Variants in SYN1 observed in about 807,000 individuals in gnomAD.
The protein encoded by SYN1 is synapsin-1.
Under a neutral mutation model 44.6 loss-of-function variants are expected in SYN1, and 8 were observed. The ratio of observed to expected loss-of-function variants is 0.18; its 90% CI spans 0.11 to 0.32. The LOEUF is 0.32. SYN1 is among the 10% of genes least tolerant of loss of function. The probability of loss-of-function intolerance (pLI) is 1.00; values close to 1 mark genes in which losing one functional copy is unlikely to be tolerated. For missense variants in SYN1, 451 were observed against 639.4 expected (o/e 0.71, Z 3.18); for synonymous variants, 275 against 280.1 (o/e 0.98, Z 0.18).
intron 12 of SYN1, 50 bp downstream of exon 12, chrX:47,573,952 G>A (rs1603050158): frequency 9.3e-6 from 10 of 1,071,493 alleles, no homozygotes; most frequent in African/African-American, 1.9e-5. Context: ...CTGGGGCAGC[G>A]GCCCGCTTTG....
intron 5 of SYN1, among the ~76,000 whole-genome samples, chrX:47,597,996 T>C (rs2057868622): frequency 8.9e-6 from 1 of 112,519 alleles, no homozygotes; most frequent in African/African-American, 3.2e-5. Flanking sequence ...ACTGAGATAG[T>C]TCATCACTAA....
rs797046021 is a variant in SYN1, at chrX:47,576,643, G to A, written c.838-3C>T. The A allele has an allele frequency of 1.7e-6, 2 of 1,211,840 alleles. No homozygotes were observed. Among genetic ancestry groups the A allele is most frequent in the South Asian group, 1.8e-5 (1 of 57,014 alleles). On this transcript the variant is annotated splice_polypyrimidine_tract_variant and splice_region_variant and intron_variant, in intron 6 of 12. Coordinates refer to ENST00000295987, the MANE Select transcript of SYN1 (RefSeq NM_006950.3). ...TCATGCTGGTTGTCAACCTTGACCT[G>A]TGGAAGTGCGGGCAAGGATCAGGGC...
chrX:47,615,672 C>G, intron 1 of SYN1, among the ~76,000 whole-genome samples: 1 of 111,549 alleles, frequency 9.0e-6, no homozygotes, highest in South Asian at 3.7e-4. Context: ...TCTGGGAGGC[C>G]GAGGTGGGTG....
chrX:47,577,699 CCTGT>C (rs1363482778), intron 5 of SYN1, among the ~76,000 whole-genome samples, 198 bp from the exon 6 acceptor site: 1 of 110,850 alleles, frequency 9.0e-6, no homozygotes, highest in Non-Finnish European at 1.9e-5. Context: ...AACCCAGAGC[CCTGT>C]CTGTCTGTCC....
At chrX:47,585,403 G>A (rs1172953948) in intron 5 of SYN1, 1 of 1,199,297 alleles carries the variant, frequency 8.3e-7, no homozygotes, top group East Asian at 3.0e-5. Flanking sequence ...CCACGAGGGG[G>A]CGAGGCTCTG....
At chrX:47,610,876 C>T (rs1440839108) in intron 1 of SYN1, among the ~76,000 whole-genome samples, 1 of 111,383 alleles carries the variant, frequency 9.0e-6, no homozygotes, top group Non-Finnish European at 1.9e-5. Flanking sequence ...GTCTGGAAAA[C>T]CCACCAGCTG....
At chrX:47,604,298 G>A (rs1442092752) in intron 5 of SYN1, among the ~76,000 whole-genome samples, 3 of 110,711 alleles carry the variant, frequency 2.7e-5, no homozygotes, top group Non-Finnish European at 5.7e-5. Context: ...TGTTGCCCAA[G>A]CTGGAGTGCA....
At chrX:47,595,672 A>G (rs2057861832) in intron 5 of SYN1, among the ~76,000 whole-genome samples, 1 of 112,013 alleles carries the variant, frequency 8.9e-6, no homozygotes, top group Non-Finnish European at 1.9e-5. Flanking sequence ...AAGAAATGAA[A>G]TGTCCTAGCT....
At chrX:47,585,876 A>T in intron 5 of SYN1, 1 of 1,138,165 alleles carries the variant, frequency 8.8e-7, no homozygotes, top group Non-Finnish European at 1.2e-6. Context: ...TGTGTCCAAT[A>T]CCGTGTGATC....
Position 47,576,362 on chromosome X carries a change from G to A in SYN1, c.1025C>T (p.Ala342Val), listed in dbSNP as rs762189745. The A allele has an allele frequency of 7.4e-6, 9 of 1,211,670 alleles. No individual in the cohort carries two copies. The highest frequency in any genetic ancestry group is 1.8e-5 in the South Asian group (1 of 56,960). Residue 342 changes from alanine to valine, a missense_variant, in exon 8 of 13, where the codon GCG becomes GTG. By Grantham distance (64) the Ala-to-Val change is moderately conservative. Around this residue, in one of 3 missense-constraint regions of SYN1, gnomAD observed 315 missense variants for 451.4 expected, o/e 0.70. Coordinates refer to ENST00000295987, the MANE Select transcript of SYN1 (RefSeq NM_006950.3). ...AGACATGGCAATTTGCTCCAGCATC[G>A]CAGAGCCAGTATTGGTCTTCCAGTT... ...SGNWKTNTGSAMLEQIAMSDR... is the reference protein window; with the variant it reads ...SGNWKTNTGSVMLEQIAMSDR...
rs189924531 is a variant in SYN1 at position 47,583,271 on chromosome X, C to T, written c.775-5770G>A. Reference sequence around the variant, plus strand: ...CCCCAATCCCCTTAAAATCCCTAAGCTTACCAACCCCTCAAGCCCAAATCC... The same window carrying T: ...CCCCAATCCCCTTAAAATCCCTAAGTTTACCAACCCCTCAAGCCCAAATCC... On this transcript the variant is annotated intron_variant, in intron 5 of 12. Coordinates refer to ENST00000295987, the MANE Select transcript of SYN1 (RefSeq NM_006950.3). 1.3e-3 allele frequency: 551 copies of T among 431,283 alleles called. 5 individuals are homozygous for T. In the East Asian group the frequency reaches 0.017, roughly 13 times the overall value. 35.5% of individuals were successfully genotyped at this position (431,283 alleles called of 1,213,427 possible). A position where few individuals can be genotyped will look rare whatever the true frequency, so the allele number is the denominator to read the frequency against.
chrX:47,608,741 A>C (rs1403516079), intron 1 of SYN1, among the ~76,000 whole-genome samples: 1 of 109,805 alleles, frequency 9.1e-6, no homozygotes, highest in Non-Finnish European at 1.9e-5. Context: ...CTCCTCCCCC[A>C]GGCTCAAGAT....
chrX:47,574,246 C>A lies in SYN1; in HGVS notation c.1738G>T (p.Ala580Ser). The A allele has an allele frequency of 9.1e-7, 1 of 1,097,937 alleles. No individual in the cohort carries two copies. 90.5% of individuals were successfully genotyped at this position (1,097,937 alleles called of 1,213,427 possible). The change falls in exon 12 of 13, where the codon GCC (alanine) becomes TCC (serine). Residue 580 changes from alanine to serine, a missense_variant. This residue lies in a region of SYN1 where 127 missense variants were observed against 154.8 expected (regional missense o/e 0.82). Coordinates refer to ENST00000295987, the MANE Select transcript of SYN1 (RefSeq NM_006950.3). ...TGGCGCTGCTGCCCGCCCGGTGGGG[C>A]CCCAGAGGCCTTTGGCGGAGCCGGG... ...SGPAPPKASG[A>S]PPGGQQRQGP...
chrX:47,593,095 A>C (rs2057853237), intron 5 of SYN1, among the ~76,000 whole-genome samples: 1 of 110,303 alleles, frequency 9.1e-6, no homozygotes, highest in Non-Finnish European at 1.9e-5. Context: ...GGGTTTCACC[A>C]TGTTGACCAG....
intron 5 of SYN1, among the ~76,000 whole-genome samples, chrX:47,583,215 CAA>C (rs1397119003): frequency 9.6e-6 from 1 of 103,751 alleles, no homozygotes; most frequent in Non-Finnish European, 2.0e-5. Context: ...TAAACTCTCC[CAA>C]CTCTCTAAAC....
chrX:47,592,147 C>T (rs1231084697), intron 5 of SYN1, among the ~76,000 whole-genome samples: 1 of 110,894 alleles, frequency 9.0e-6, no homozygotes, highest in Non-Finnish European at 1.9e-5. Context: ...TTGAGACCAA[C>T]CTAGGCAACA....
At chrX:47,573,085 C>A in intron 12 of SYN1, 86 bp from the exon 13 acceptor site, 1 of 1,105,650 alleles carries the variant, frequency 9.0e-7, no homozygotes, top group Non-Finnish European at 1.2e-6. Flanking sequence ...ACCCCAGGCC[C>A]AGCCCCAGCC....
intron 5 of SYN1, chrX:47,583,423 C>G: frequency 5.8e-6 from 7 of 1,204,494 alleles, no homozygotes; most frequent in African/African-American, 3.5e-5. Flanking sequence ...ACCATGGCCC[C>G]CTTTGAGCCC....
At chrX:47,599,459 C>T (rs1421716852) in intron 5 of SYN1, among the ~76,000 whole-genome samples, 1 of 112,794 alleles carries the variant, frequency 8.9e-6, no homozygotes, top group East Asian at 2.7e-4. Flanking sequence ...TCATCAGAAC[C>T]ATCTATTTTG....
Sources: gnomAD v4.1 joint callset for allele counts (sites outside exome capture counted in the v4.1 genomes callset) on GRCh38, gnomAD v4.1.1 for gene constraint, gnomAD v4.1.1 regional missense constraint, MANE v1.5 for transcripts, NCBI Gene and HGNC (gene_info 2026-07-23, HGNC 2026-07-21) for gene names.